Variants in PTK2 observed in about 807,000 individuals in gnomAD.
The protein encoded by PTK2 is focal adhesion kinase 1.
PTK2 carries 45 observed loss-of-function variants against 150.1 expected under a neutral mutation model. That is an observed-to-expected ratio of 0.30 (90% CI 0.24 to 0.38). The LOEUF (loss-of-function observed/expected upper bound fraction) is 0.38. PTK2 is among the 10% of genes least tolerant of loss of function. The pLI is 1.00. For synonymous variants in PTK2, 432 were observed against 449.2 expected (o/e 0.96, Z 0.48); for missense variants, 919 against 1,307.3 (o/e 0.70, Z 4.58).
intron 29 of PTK2, among the ~76,000 whole-genome samples, chr8:140,670,456 CAAAAAAAAA>C (rs10558474): frequency 5.6e-5 from 1 of 17,834 alleles, no homozygotes; most frequent in African/African-American, 1.7e-4. Context: ...CACTGTGTCT[CAAAAAAAAA>C]AAAAAAAAAA....
At chr8:140,674,577 T>C (rs904893556) in intron 28 of PTK2, among the ~76,000 whole-genome samples, 173 bp from the exon 32 acceptor site, 21 of 151,820 alleles carry the variant, frequency 1.4e-4, no homozygotes, top group African/African-American at 5.1e-4. Context: ...CCATCTCTAC[T>C]AAAAATACAA....
At chr8:140,662,839 G>A (rs1190564119) in intron 31 of PTK2, 5 of 462,790 alleles carry the variant, frequency 1.1e-5, no homozygotes, top group Non-Finnish European at 2.0e-5. Context: ...ATGTTTATAG[G>A]ATATCCCTCA....
chr8:140,869,612 A>G (rs758020912), intron 4 of PTK2, among the ~76,000 whole-genome samples: 2 of 152,196 alleles, frequency 1.3e-5, no homozygotes, highest in Non-Finnish European at 2.9e-5. Flanking sequence ...GATTATGACA[A>G]AAGTCAGGAT....
chr8:140,691,172 T>A (rs1361382337), intron 26 of PTK2, among the ~76,000 whole-genome samples: 1 of 148,578 alleles, frequency 6.7e-6, no homozygotes, highest in African/African-American at 2.4e-5. Context: ...CAGATTTCTT[T>A]TCTTCTTCTT....
At chr8:140,849,140 G>C (rs1017667768) in intron 5 of PTK2, among the ~76,000 whole-genome samples, 2 of 152,186 alleles carry the variant, frequency 1.3e-5, no homozygotes, top group African/African-American at 4.8e-5. Context: ...TATCAGAGCT[G>C]CATGATCACA....
chr8:140,778,612 G>A (rs923598445), intron 14 of PTK2, among the ~76,000 whole-genome samples: 6 of 152,202 alleles, frequency 3.9e-5, no homozygotes, highest in Non-Finnish European at 8.8e-5. Context: ...TGTGCTATTC[G>A]CTTTACGGTT....
intron 17 of PTK2, 81 bp from the exon 21 acceptor site, chr8:140,746,941 A>G (rs2100059241): frequency 2.2e-6 from 2 of 924,438 alleles, no homozygotes; most frequent in Admixed American, 2.5e-5. Context: ...ACCAGGCTGG[A>G]GTGCAGTGGT....
intron 10 of PTK2, among the ~76,000 whole-genome samples, chr8:140,808,990 T>C (rs10100699): frequency 0.029 from 4,378 of 152,014 alleles, 228 homozygotes; most frequent in African/African-American, 0.1. Flanking sequence ...GCCTCAGCCT[T>C]CCAAAGTGCT....
intron 10 of PTK2, among the ~76,000 whole-genome samples, chr8:140,807,249 G>A (rs772403355): frequency 1.6e-4 from 24 of 152,140 alleles, no homozygotes; most frequent in Non-Finnish European, 2.8e-4. Context: ...AGCAATACAC[G>A]GTGCTGTATA....
chr8:140,918,082 C>G (rs1448227), intron 2 of PTK2, among the ~76,000 whole-genome samples: 147,241 of 152,320 alleles, frequency 0.97, 71,348 homozygotes, highest in East Asian at 1. Flanking sequence ...GCTTCCTCAT[C>G]GAGCTCATTT....
At chr8:140,840,844 T>C (rs1294019198) in intron 7 of PTK2, among the ~76,000 whole-genome samples, 1 of 152,104 alleles carries the variant, frequency 6.6e-6, no homozygotes, top group Non-Finnish European at 1.5e-5. Flanking sequence ...TCCAGCACTA[T>C]GACATTTTTA....
At position 140,943,216 on chromosome 8, in the gene PTK2, A is replaced by AC. The variant is rs2100176464; in HGVS notation, c.-121-17468dup. ...GCTGAAGACACAGACTATTTCCATC[A>AC]CCCCAAGAAGTGCCCCCATGCTCTT... On this transcript the variant is annotated intron_variant, in intron 1 of 31. Coordinates refer to ENST00000522684, the Ensembl canonical transcript of PTK2. Among the ~76,000 whole-genome samples, 3 of 152,184 alleles carry AC rather than the reference A, an allele frequency of 2.0e-5. No individual in the cohort carries two copies. The South Asian group carries it at 6.2e-4, about 32-fold the overall frequency.
intron 1 of PTK2, among the ~76,000 whole-genome samples, chr8:140,938,145 G>C (rs1481306397): frequency 6.6e-6 from 1 of 152,098 alleles, no homozygotes; most frequent in Non-Finnish European, 1.5e-5. Flanking sequence ...GATGCAAATA[G>C]AAGGCGTCCA....
intron 16 of PTK2, among the ~76,000 whole-genome samples, chr8:140,755,955 T>G (rs1274838275): frequency 6.6e-6 from 1 of 151,982 alleles, no homozygotes; most frequent in Non-Finnish European, 1.5e-5. Flanking sequence ...TTAAGAGAAA[T>G]GAACAGACTG....
At chr8:140,779,125 G>A (rs2100080174) in intron 14 of PTK2, among the ~76,000 whole-genome samples, 2 of 151,820 alleles carry the variant, frequency 1.3e-5, no homozygotes, top group African/African-American at 4.8e-5. Context: ...AGCTGAGTGT[G>A]GTGGCGCACA....
At chr8:140,684,586 G>A (rs1279753436) in intron 27 of PTK2, among the ~76,000 whole-genome samples, 4 of 152,148 alleles carry the variant, frequency 2.6e-5, no homozygotes, top group South Asian at 2.1e-4. Flanking sequence ...GTTGAGTGCC[G>A]AATCAAGAAT....
At chr8:140,852,788 A>G (rs2100130138) in intron 5 of PTK2, among the ~76,000 whole-genome samples, 2 of 152,240 alleles carry the variant, frequency 1.3e-5, no homozygotes, top group African/African-American at 4.8e-5. Flanking sequence ...TCCAGGAAAG[A>G]AAAGGCAAGT....
At chr8:140,760,486 T>A (rs1395911610) in intron 16 of PTK2, among the ~76,000 whole-genome samples, 1 of 152,218 alleles carries the variant, frequency 6.6e-6, no homozygotes, top group Non-Finnish European at 1.5e-5. Context: ...AAAAAATCCA[T>A]ATATTATATG....
chr8:140,790,283 T>C, intron 13 of PTK2, among the ~76,000 whole-genome samples: 1 of 152,214 alleles, frequency 6.6e-6, no homozygotes, highest in East Asian at 1.9e-4. Flanking sequence ...ATATCTCTTA[T>C]CCACAATGCT....
Sources: gnomAD v4.1 joint callset for allele counts (sites outside exome capture counted in the v4.1 genomes callset) on GRCh38, gnomAD v4.1.1 for gene constraint, MANE v1.5 for transcripts, NCBI Gene and HGNC (gene_info 2026-07-23, HGNC 2026-07-21) for gene names.